RAB3C: variants seen among roughly 807,000 people sequenced by gnomAD.
RAB3C encodes ras-related protein Rab-3C.
RAB3C carries 17 observed loss-of-function variants against 26.4 expected under a neutral mutation model. That is an observed-to-expected ratio of 0.64 (90% CI 0.44 to 0.97). RAB3C has a LOEUF of 0.97. Ranked by LOEUF, RAB3C falls within the 50% of genes least tolerant of loss-of-function variation. RAB3C has a pLI of 0.00. For synonymous variants in RAB3C, 91 were observed against 95.9 expected, an observed-to-expected ratio of 0.95 and a Z score of 0.30; for missense variants, 242 against 281.9, an observed-to-expected ratio of 0.86 and a Z score of 1.01.
chr5:58,657,066 G>T (rs1264380084), intron 2 of RAB3C, among the ~76,000 whole-genome samples: 1 of 152,182 alleles, frequency 6.6e-6, no homozygotes, highest in Non-Finnish European at 1.5e-5. Flanking sequence ...AAAAAGGAAT[G>T]AATTAACAAT....
intron 2 of RAB3C, among the ~76,000 whole-genome samples, chr5:58,678,417 G>A (rs1359758368): frequency 2.0e-5 from 3 of 152,126 alleles, no homozygotes; most frequent in Non-Finnish European, 4.4e-5. Context: ...GGAACACATG[G>A]AGTCTGCCTG....
chr5:58,750,729 T>G (rs1394290727), intron 3 of RAB3C, among the ~76,000 whole-genome samples: 2 of 152,186 alleles, frequency 1.3e-5, no homozygotes, highest in African/African-American at 4.8e-5. Context: ...ATGTTTCACT[T>G]TTTACCTTAT....
At chr5:58,641,022 A>G (rs1169980552) in intron 2 of RAB3C, among the ~76,000 whole-genome samples, 1 of 152,226 alleles carries the variant, frequency 6.6e-6, no homozygotes, top group Admixed American at 6.5e-5. Flanking sequence ...TCCTGGAGCC[A>G]TGTTCATAAA....
At chr5:58,739,387 G>A (rs1410827138) in intron 3 of RAB3C, among the ~76,000 whole-genome samples, 1 of 152,094 alleles carries the variant, frequency 6.6e-6, no homozygotes, top group Non-Finnish European at 1.5e-5. Flanking sequence ...CTAAGTGTGG[G>A]ATTCCTTTCT....
intron 2 of RAB3C, among the ~76,000 whole-genome samples, chr5:58,638,669 A>G (rs1189028444): frequency 1.3e-5 from 2 of 152,228 alleles, no homozygotes; most frequent in Non-Finnish European, 2.9e-5. Flanking sequence ...CAGAGAAACA[A>G]AGTTCAGAAT....
At chr5:58,799,097 T>TA (rs1742743441) in intron 3 of RAB3C, among the ~76,000 whole-genome samples, 1 of 152,222 alleles carries the variant, frequency 6.6e-6, no homozygotes, top group African/African-American at 2.4e-5. Context: ...ATATTCATGT[T>TA]ACAGTATTCA....
At chr5:58,717,366 G>A (rs1229564532) in intron 2 of RAB3C, among the ~76,000 whole-genome samples, 2 of 152,046 alleles carry the variant, frequency 1.3e-5, no homozygotes, top group African/African-American at 2.4e-5. Flanking sequence ...TGAAGGGAGG[G>A]CAGATGACTG....
At chr5:58,775,307 C>T (rs1036915908) in intron 3 of RAB3C, among the ~76,000 whole-genome samples, 2 of 152,114 alleles carry the variant, frequency 1.3e-5, no homozygotes, top group Non-Finnish European at 2.9e-5. Context: ...AGGGGCTTCT[C>T]TTCAGTATCT....
At position 58,851,354 on chromosome 5, in the gene RAB3C, T is replaced by A. The variant is rs1744111026; in HGVS notation, c.*3T>A. On this transcript the variant is annotated 3_prime_UTR_variant, in exon 5 of 5. Transcript: ENST00000282878. Reference sequence around the variant, plus strand: ...CGCAGCCCAACTGTGCCTGCTAGTGTCCCCGTGCACACAGGCAGCTCCAGG... The same window carrying A: ...CGCAGCCCAACTGTGCCTGCTAGTGACCCCGTGCACACAGGCAGCTCCAGG... 30 of 1,590,452 alleles carry A rather than the reference T, an allele frequency of 1.9e-5. No homozygotes were observed. In the East Asian group the frequency reaches 6.7e-4, roughly 36 times the overall value.
chr5:58,607,108 C>T (rs961009619), intron 1 of RAB3C, among the ~76,000 whole-genome samples: 2 of 152,170 alleles, frequency 1.3e-5, no homozygotes, highest in Non-Finnish European at 1.5e-5. Context: ...TAATAACAAA[C>T]ATCTCTGAGC....
chr5:58,779,974 G>C (rs550620531), intron 3 of RAB3C, among the ~76,000 whole-genome samples: 1 of 152,106 alleles, frequency 6.6e-6, no homozygotes, highest in South Asian at 2.1e-4. Context: ...GGGAGATGCT[G>C]TGGAAAAATG....
chr5:58,766,205 C>T (rs1741899803), intron 3 of RAB3C, among the ~76,000 whole-genome samples: 1 of 151,794 alleles, frequency 6.6e-6, no homozygotes, highest in African/African-American at 2.4e-5. Context: ...GCAACCTCCA[C>T]CTCCCAGCTT....
Position 58,599,357 on chromosome 5 carries a change from C to T in RAB3C, c.24+16125C>T, listed in dbSNP as rs150445808. 4.7e-4 allele frequency among the ~76,000 whole-genome samples: 71 copies of T among 152,270 alleles called. 1 individual carries two copies. Among genetic ancestry groups the T allele is most frequent in the African/African-American group, 1.7e-3 (69 of 41,552 alleles). On this transcript the variant is annotated intron_variant, in intron 1 of 4. Coordinates refer to ENST00000282878, the MANE Select transcript of RAB3C (RefSeq NM_138453.4). The stretch of plus-strand genomic sequence containing the variant: ...AGCTTCCACATTTCTGAGCAGGGAC[C>T]AGGGCCTGAGCTTCAGGACTACATC...
intron 2 of RAB3C, among the ~76,000 whole-genome samples, chr5:58,707,988 C>CTTTTTT (rs35213627): frequency 2.1e-5 from 3 of 142,568 alleles, no homozygotes. Context: ...TCTTTCTTTC[C>CTTTTTT]TTTTTTTTTT....
In RAB3C at chr5:58,786,239, C is replaced by T. The variant is rs762452495; in HGVS notation, c.372-38799C>T. On this transcript the variant is annotated intron_variant, in intron 3 of 4. Transcript: ENST00000282878. ...ATTAAGCCAGTTTCTCACTCTGAGT[C>T]ATTCTCCCAGACCTGAACCTCAGCC... Among the ~76,000 whole-genome samples the T allele has an allele frequency of 6.6e-5, 10 of 152,340 alleles. No individual in the cohort carries two copies. In the East Asian group the frequency reaches 1.9e-3, roughly 29 times the overall value.
chr5:58,604,339 G>GGGAC (rs1746516732), intron 1 of RAB3C, among the ~76,000 whole-genome samples: 1 of 152,204 alleles, frequency 6.6e-6, no homozygotes, highest in Non-Finnish European at 1.5e-5. Flanking sequence ...AGTGTGGAGA[G>GGGAC]GGACCGGCGG....
intron 4 of RAB3C, 139 bp downstream of exon 4, chr5:58,825,301 C>G (rs1347248506): frequency 1.1e-6 from 1 of 908,894 alleles, no homozygotes; most frequent in Non-Finnish European, 1.5e-6. Context: ...ATAATCCTCC[C>G]TAAGTGGACA....
chr5:58,609,139 T>A (rs895195939), intron 1 of RAB3C, among the ~76,000 whole-genome samples: 14 of 152,118 alleles, frequency 9.2e-5, no homozygotes, highest in Admixed American at 9.2e-4. Context: ...TGTGTACCTA[T>A]GTAACAAACC....
chr5:58,635,412 C>T (rs1361686842), intron 2 of RAB3C, among the ~76,000 whole-genome samples: 1 of 152,164 alleles, frequency 6.6e-6, no homozygotes, highest in Non-Finnish European at 1.5e-5. Context: ...GAATTGGTGA[C>T]TTATAAAGGC....
Sources: allele counts gnomAD v4.1 joint callset (sites outside exome capture counted in the v4.1 genomes callset), GRCh38; gene constraint gnomAD v4.1.1; transcripts MANE v1.5; gene names NCBI Gene and HGNC (gene_info 2026-07-23, HGNC 2026-07-21).